The following ENTPD1 variants were observed in gnomAD, a reference collection of about 807,000 sequenced individuals.
ENTPD1 encodes the protein ATP diphosphohydrolase.
ENTPD1 carries 33 observed loss-of-function variants against 57.0 expected under a neutral mutation model. That is an observed-to-expected ratio of 0.58 (90% CI 0.44 to 0.77). The LOEUF (loss-of-function observed/expected upper bound fraction) is 0.77, where lower values mean the gene tolerates loss of function less well. Among genes scored for constraint, ENTPD1 ranks in the 30% least tolerant of loss-of-function variants. The pLI, the probability that ENTPD1 is intolerant of heterozygous loss-of-function variation, is 0.00. For missense variants in ENTPD1, 501 were observed against 603.4 expected, an observed-to-expected ratio of 0.83 and a Z score of 1.78; for synonymous variants, 202 against 218.8, an observed-to-expected ratio of 0.92 and a Z score of 0.68.
intron 1 of ENTPD1, among the ~76,000 whole-genome samples, chr10:95,714,275 T>A (rs535858334): frequency 6.6e-6 from 1 of 152,248 alleles, no homozygotes; most frequent in Non-Finnish European, 1.5e-5. Context: ...ATTGCACCAC[T>A]ACTACTGCAG....
At chr10:95,783,561 C>A (rs1046490274) in intron 1 of ENTPD1, among the ~76,000 whole-genome samples, 2 of 152,114 alleles carry the variant, frequency 1.3e-5, no homozygotes, top group African/African-American at 4.8e-5. Flanking sequence ...TGTTCTAATT[C>A]TCTTTTCCCA....
chr10:95,785,177 G>T (rs1415084528), intron 1 of ENTPD1: 1 of 152,136 alleles, frequency 6.6e-6, no homozygotes. Context: ...CAGTGTCTGG[G>T]CAATTTCTCT....
rs997101574 is a variant in ENTPD1 at position 95,873,969 on chromosome 10, C to T, written c.*7586C>T. ...TCCATGATTCAATTACCTCCCACTG[C>T]GTCCCTCCCACAACATGTGGGAATT... On this transcript the variant is annotated 3_prime_UTR_variant, in exon 10 of 10. Coordinates refer to ENST00000371205, the MANE Select transcript of ENTPD1 (RefSeq NM_001776.6). 3.3e-5 allele frequency among the ~76,000 whole-genome samples: 5 copies of T among 152,132 alleles called. No individual in the cohort carries two copies. The highest frequency in any genetic ancestry group is 9.7e-5 in the African/African-American group (4 of 41,436).
At position 95,873,279 on chromosome 10, in the gene ENTPD1, A is replaced by T. The variant is rs1409646298; in HGVS notation, c.*6896A>T. On this transcript the variant is annotated 3_prime_UTR_variant, in exon 10 of 10. Coordinates refer to ENST00000371205, the MANE Select transcript of ENTPD1 (RefSeq NM_001776.6). ...CTGTCATTCACAGGCATTCTGTTCC[A>T]CAGCAGGCCAGCTAACGTGGTATTT... 1.9e-5 allele frequency: 19 copies of T among 985,428 alleles called. No homozygotes were observed. Among genetic ancestry groups the T allele is most frequent in the Non-Finnish European group, 2.0e-5 (17 of 829,936 alleles). The allele number at this position is 985,428 out of a possible 1,614,324, so 61.0% of individuals were successfully genotyped here. A position where few individuals can be genotyped will look rare whatever the true frequency, so the allele number is the denominator to read the frequency against.
chr10:95,872,129 G>C lies in ENTPD1; in HGVS notation c.*5746G>C, dbSNP rs2098481190. 1.0e-6 allele frequency: 1 copy of C among 985,392 alleles called. No individual in the cohort carries two copies. The highest frequency in any genetic ancestry group is 1.2e-6 in the Non-Finnish European group (1 of 829,936). 61.0% of individuals were successfully genotyped at this position (985,392 alleles called of 1,614,324 possible). A position where few individuals can be genotyped will look rare whatever the true frequency, so the allele number is the denominator to read the frequency against. ...ATATTACTGTTATTGCTCCAGTAAA[G>C]AGCTGTAATATATTTTACCTGGACT... On this transcript the variant is annotated 3_prime_UTR_variant, in exon 10 of 10. Coordinates refer to ENST00000371205, the MANE Select transcript of ENTPD1 (RefSeq NM_001776.6).
At chr10:95,771,198 T>TCATTTGAACA (rs2098114854) in intron 1 of ENTPD1, among the ~76,000 whole-genome samples, 1 of 152,220 alleles carries the variant, frequency 6.6e-6, no homozygotes, top group Admixed American at 6.5e-5. Flanking sequence ...TAATATTCCA[T>TCATTTGAACA]CATTTGAACA....
chr10:95,869,189 G>GA lies in ENTPD1; in HGVS notation c.*2806_*2807insA. The stretch of plus-strand genomic sequence containing the variant: ...TTAAAGATTCCTTTATAAGGTGGGA[G>GA]TTTTTTTTCTATGAACCTATAGGGG... On this transcript the variant is annotated 3_prime_UTR_variant, in exon 10 of 10. Transcript: ENST00000371205. 1 of 977,264 alleles carries GA rather than the reference G, an allele frequency of 1.0e-6. No individual in the cohort carries two copies. The highest frequency in any genetic ancestry group is 4.8e-5 in the South Asian group (1 of 20,854). The allele number at this position is 977,264 out of a possible 1,614,324, so 60.5% of individuals were successfully genotyped here.
At chr10:95,810,539 C>T (rs530390327) in intron 1 of ENTPD1, among the ~76,000 whole-genome samples, 54 of 151,844 alleles carry the variant, frequency 3.6e-4, no homozygotes, top group African/African-American at 9.4e-4. Flanking sequence ...CGGGCAGAGG[C>T]GCTCCTCACT....
At chr10:95,719,828 G>A (rs1294128407) in intron 1 of ENTPD1, among the ~76,000 whole-genome samples, 2 of 152,234 alleles carry the variant, frequency 1.3e-5, no homozygotes, top group African/African-American at 4.8e-5. Flanking sequence ...GTCCAGGTGA[G>A]TTGAGACATT....
At chr10:95,849,258 T>C (rs1298686867) in intron 7 of ENTPD1, among the ~76,000 whole-genome samples, 1 of 152,236 alleles carries the variant, frequency 6.6e-6, no homozygotes, top group Admixed American at 6.5e-5. Flanking sequence ...AGCATTATTA[T>C]AATCATAGTT....
At chr10:95,846,047 CAATT>C (rs960009972) in intron 6 of ENTPD1, 1 of 199,174 alleles carries the variant, frequency 5.0e-6, no homozygotes, top group African/African-American at 2.4e-5. Flanking sequence ...CAAAATGTAT[CAATT>C]GACACTTCAA....
chr10:95,759,126 A>G (rs947132830), intron 1 of ENTPD1, among the ~76,000 whole-genome samples: 2 of 152,268 alleles, frequency 1.3e-5, no homozygotes, highest in Non-Finnish European at 2.9e-5. Context: ...TAAGTGAAGT[A>G]TTATTATTTT....
rs1299430902 is a variant in ENTPD1, at chr10:95,845,464, C to T, written c.681C>T (p.Asn227=). 1.2e-6 allele frequency: 2 copies of T among 1,614,220 alleles called. No individual in the cohort carries two copies. Among genetic ancestry groups the T allele is most frequent in the Non-Finnish European group, 1.7e-6 (2 of 1,180,040 alleles). The change falls in exon 6 of 10, where the codon AAC becomes AAT. Residue 227 remains asparagine (N), a synonymous_variant. Coordinates refer to ENST00000371205, the MANE Select transcript of ENTPD1 (RefSeq NM_001776.6). ...CACAAGTCACTTTTGTACCCCAAAA[C>T]CAGACTATCGAGTCCCCAGATAATG... is the stretch of plus-strand genomic sequence containing the variant. ...ASTQVTFVPQ[N]QTIESPDNAL... is the part of the protein sequence containing the mutation.
chr10:95,708,828 G>C (rs573662065), upstream of ENTPD1, among the ~76,000 whole-genome samples: 37 of 152,142 alleles, frequency 2.4e-4, no homozygotes, highest in South Asian at 7.7e-3. Context: ...GTTAAACAAT[G>C]TTTGTGTGGT....
chr10:95,833,504 C>G (rs1449259996), intron 2 of ENTPD1: 1 of 152,152 alleles, frequency 6.6e-6, no homozygotes, highest in Non-Finnish European at 1.5e-5. Context: ...CTGAGACAGA[C>G]TGATGAGGCT....
intron 4 of ENTPD1, among the ~76,000 whole-genome samples, chr10:95,842,704 A>G (rs80024577): frequency 1.3e-4 from 19 of 151,102 alleles, no homozygotes; most frequent in Admixed American, 9.2e-4. Context: ...TAAAAAAAAA[A>G]GCCCCCTTGT....
chr10:95,694,399 TCTC>T, the ENTPD1 span, among the ~76,000 whole-genome samples: 2 of 147,654 alleles, frequency 1.4e-5, no homozygotes, highest in African/African-American at 5.1e-5. Flanking sequence ...TAAAAAACAG[TCTC>T]CTCTAAATAT....
Position 95,866,408 on chromosome 10 carries a change from T to G in ENTPD1, c.*25T>G. The G allele has an allele frequency of 2.5e-6, 4 of 1,613,862 alleles. No homozygotes were observed. The highest frequency in any genetic ancestry group is 3.4e-6 in the Non-Finnish European group (4 of 1,179,936). Reference sequence around the variant, plus strand: ...GCAAAAGCAGCTGAAATATGCTGGCTGGAGTGAGGAAAAAAATCGTCCAGG... The same window carrying G: ...GCAAAAGCAGCTGAAATATGCTGGCGGGAGTGAGGAAAAAAATCGTCCAGG... On this transcript the variant is annotated 3_prime_UTR_variant, in exon 10 of 10. Transcript: ENST00000371205.
rs955107996 is a variant in ENTPD1, at chr10:95,873,260, T to C, written c.*6877T>C. ...TTCATCCACTACCTGACTACTGTCATTCACAGGCATTCTGTTCCACAGCAG... is the reference window on the plus strand; with the variant it reads ...TTCATCCACTACCTGACTACTGTCACTCACAGGCATTCTGTTCCACAGCAG... On this transcript the variant is annotated 3_prime_UTR_variant, in exon 10 of 10. Transcript: ENST00000371205. The C allele has an allele frequency of 1.0e-6, 1 of 985,318 alleles. No homozygotes were observed. The highest frequency in any genetic ancestry group is 1.7e-5 in the African/African-American group (1 of 57,236). 61.0% of individuals were successfully genotyped at this position (985,318 alleles called of 1,614,324 possible). A position where few individuals can be genotyped will look rare whatever the true frequency, so the allele number is the denominator to read the frequency against.
Sources: gnomAD v4.1 joint callset for allele counts (sites outside exome capture counted in the v4.1 genomes callset) on GRCh38, gnomAD v4.1.1 for gene constraint, MANE v1.5 for transcripts, NCBI Gene and HGNC (gene_info 2026-07-23, HGNC 2026-07-21) for gene names.